STAT5B: variants seen among roughly 807,000 people sequenced by gnomAD.
STAT5B encodes the protein transcription factor STAT5B.
STAT5B carries 21 observed loss-of-function variants against 107.8 expected under a neutral mutation model. That is an observed-to-expected ratio of 0.19 (90% CI 0.14 to 0.28). The LOEUF is 0.28. Among genes scored for constraint, STAT5B ranks in the 10% least tolerant of loss-of-function variants. The pLI is 1.00. For synonymous variants in STAT5B, 325 were observed against 401.7 expected, an observed-to-expected ratio of 0.81 and a Z score of 2.28; for missense variants, 565 against 1,008.2, an observed-to-expected ratio of 0.56 and a Z score of 5.95.
intron 1 of STAT5B, among the ~76,000 whole-genome samples, chr17:42,237,570 G>T (rs1270601494): frequency 1.3e-5 from 2 of 152,114 alleles, no homozygotes; most frequent in Non-Finnish European, 2.9e-5. Flanking sequence ...ATTCTAGTGT[G>T]GGGTGGGAGT....
intron 1 of STAT5B, among the ~76,000 whole-genome samples, chr17:42,251,326 G>A (rs2080497799): frequency 6.6e-6 from 1 of 152,154 alleles, no homozygotes; most frequent in South Asian, 2.1e-4. Context: ...GTCAGAATTA[G>A]CAATGCAACA....
At chr17:42,248,126 A>G (rs961196832) in intron 1 of STAT5B, among the ~76,000 whole-genome samples, 2 of 151,940 alleles carry the variant, frequency 1.3e-5, no homozygotes, top group African/African-American at 2.4e-5. Flanking sequence ...AAAATTTACA[A>G]ATTAGCCCAG....
At chr17:42,246,852 G>A (rs189925813) in intron 1 of STAT5B, among the ~76,000 whole-genome samples, 1 of 152,282 alleles carries the variant, frequency 6.6e-6, no homozygotes, top group East Asian at 1.9e-4. Context: ...TTACGTGAAG[G>A]CCGTTGACAG....
intron 1 of STAT5B, among the ~76,000 whole-genome samples, chr17:42,239,274 GA>G: frequency 7.1e-6 from 1 of 141,828 alleles, no homozygotes; most frequent in African/African-American, 2.7e-5. Flanking sequence ...AAAAGGAGAA[GA>G]AAACTACCTA....
At chr17:42,278,348 T>C (rs1462423427), upstream of STAT5B, among the ~76,000 whole-genome samples, 2 of 152,130 alleles carry the variant, frequency 1.3e-5, no homozygotes, top group African/African-American at 4.8e-5. Context: ...AATAAATATT[T>C]TTGGAACAAA....
At chr17:42,280,497 T>C (rs1190476608), upstream of STAT5B, among the ~76,000 whole-genome samples, 1 of 152,138 alleles carries the variant, frequency 6.6e-6, no homozygotes, top group Admixed American at 6.5e-5. Context: ...TTCGTTATTA[T>C]GGCTTCCCTC....
chr17:42,204,987 A>G (rs1351271168), intron 16 of STAT5B, among the ~76,000 whole-genome samples: 1 of 152,122 alleles, frequency 6.6e-6, no homozygotes, highest in East Asian at 1.9e-4. Context: ...CATCAAAATG[A>G]GGTTGGAAGA....
chr17:42,278,002 C>T (rs1160596242), upstream of STAT5B, among the ~76,000 whole-genome samples: 2 of 152,024 alleles, frequency 1.3e-5, no homozygotes, highest in Non-Finnish European at 2.9e-5. Flanking sequence ...GTAATCTGCC[C>T]GCCTCAGCCT....
chr17:42,212,285 T>C, intron 12 of STAT5B, 95 bp from the exon 13 acceptor site: 4 of 1,588,766 alleles, frequency 2.5e-6, no homozygotes, highest in Non-Finnish European at 3.4e-6. Context: ...TGGGAGTGGT[T>C]ACACACATTT....
rs75130700 is a variant in STAT5B at position 42,210,453 on chromosome 17, G to A, written c.1725C>T (p.Asp575=). 368 of 1,614,050 alleles carry A rather than the reference G, an allele frequency of 2.3e-4. No individual in the cohort carries two copies. In the East Asian group the frequency reaches 4.3e-3, roughly 19 times the overall value. Residue 575 remains aspartate (D), a synonymous_variant, in exon 14 of 19, where the codon GAC becomes GAT. Transcript: ENST00000293328. The part of the protein sequence containing the change: ...GRNYTFWQWF[D]GVMEVLKKHL... ...GTTTTTTTAACACTTCCATCACACC[G>A]TCAAACCATTGCCAGAAAGTGTAAT...
intron 1 of STAT5B, among the ~76,000 whole-genome samples, chr17:42,252,234 C>T (rs2080506731): frequency 6.6e-6 from 1 of 152,022 alleles, no homozygotes; most frequent in Non-Finnish European, 1.5e-5. Flanking sequence ...AGGAAAAGTG[C>T]CTCAAACAAT....
intron 8 of STAT5B, among the ~76,000 whole-genome samples, 154 bp downstream of exon 8, chr17:42,218,569 G>A (rs2080194458): frequency 6.6e-6 from 1 of 152,192 alleles, no homozygotes; most frequent in Admixed American, 6.5e-5. Flanking sequence ...GTGTCCACAG[G>A]AGAAACTGGG....
At chr17:42,225,351 A>G (rs969124842) in intron 3 of STAT5B, among the ~76,000 whole-genome samples, 2 of 152,196 alleles carry the variant, frequency 1.3e-5, no homozygotes, top group African/African-American at 2.4e-5. Flanking sequence ...TAATTTGCCT[A>G]AAGTATCCGG....
rs547840003 is a variant in STAT5B at position 42,225,945 on chromosome 17, A to T, written c.286-1077T>A. 2.6e-5 allele frequency among the ~76,000 whole-genome samples: 4 copies of T among 152,020 alleles called. No individual in the cohort carries two copies. In the East Asian group the frequency reaches 7.7e-4, roughly 29 times the overall value. ...AGGGGGTACATGAATTATTATTATT[A>T]TTTTTTGAGATGGAATTTCACTCTT... On this transcript the variant is annotated intron_variant, in intron 3 of 18. Transcript: ENST00000293328.
chr17:42,223,886 T>C (rs1347396527), intron 4 of STAT5B, among the ~76,000 whole-genome samples: 1 of 152,148 alleles, frequency 6.6e-6, no homozygotes, highest in Non-Finnish European at 1.5e-5. Context: ...TGGGTTTTCC[T>C]ACTAATGAGG....
Position 42,201,755 on chromosome 17 carries a change from G to A in STAT5B, c.2347C>T (p.Pro783Ser), listed in dbSNP as rs1351859924. 3 of 1,611,112 alleles carry A rather than the reference G, an allele frequency of 1.9e-6. No individual in the cohort carries two copies. The African/African-American group carries it at 4.0e-5, about 22-fold the overall frequency. ...LGRPMDSQWI[P>S]HAQS ...TCGCGGGGTCACGATTGTGCGTGCG[G>A]GATCCACTGACTGTCCATTGGCCGG... Residue 783 changes from proline to serine, a missense_variant, in exon 19 of 19, where the codon CCG becomes TCG. This residue lies in a region of STAT5B where 76 missense variants were observed against 110.2 expected (regional missense o/e 0.69). Transcript: ENST00000293328.
chr17:42,227,734 T>A, intron 2 of STAT5B, 49 bp from the exon 3 acceptor site: 1 of 1,594,910 alleles, frequency 6.3e-7, no homozygotes, highest in South Asian at 1.1e-5. Flanking sequence ...CACGTGAGCC[T>A]GTATAAATAC....
chr17:42,208,235 C>A (rs1393334799), intron 15 of STAT5B, among the ~76,000 whole-genome samples: 1 of 151,954 alleles, frequency 6.6e-6, no homozygotes, highest in Non-Finnish European at 1.5e-5. Flanking sequence ...GGCATGTTGG[C>A]TCATGCCTGT....
chr17:42,219,054 A>G (rs1272599501), intron 7 of STAT5B, among the ~76,000 whole-genome samples, 176 bp from the exon 8 acceptor site: 5 of 151,712 alleles, frequency 3.3e-5, no homozygotes, highest in Non-Finnish European at 7.4e-5. Context: ...AGGAGGGGCG[A>G]CCCTGACTAG....
Sources: gnomAD v4.1 joint callset for allele counts (sites outside exome capture counted in the v4.1 genomes callset) on GRCh38, gnomAD v4.1.1 for gene constraint, gnomAD v4.1.1 regional missense constraint, MANE v1.5 for transcripts, NCBI Gene and HGNC (gene_info 2026-07-23, HGNC 2026-07-21) for gene names.